Variants in HS3ST4 observed in about 807,000 individuals in gnomAD.
The protein encoded by HS3ST4 is heparan sulfate-glucosamine 3-sulfotransferase 4.
Under a neutral mutation model 29.2 loss-of-function variants are expected in HS3ST4, and 17 were observed. That is an observed-to-expected ratio of 0.58 (90% CI 0.40 to 0.87). The LOEUF (loss-of-function observed/expected upper bound fraction) is 0.87, where lower values mean the gene tolerates loss of function less well. Among genes scored for constraint, HS3ST4 ranks in the 40% least tolerant of loss-of-function variants. The probability of loss-of-function intolerance (pLI) is 0.00; values close to 1 mark genes in which losing one functional copy is unlikely to be tolerated. For missense variants in HS3ST4, 627 were observed against 634.5 expected (o/e 0.99, Z 0.13); for synonymous variants, 314 against 285.7 (o/e 1.10, Z -1.00).
intron 1 of HS3ST4, among the ~76,000 whole-genome samples, chr16:25,913,925 G>A (rs2141679436): frequency 6.7e-6 from 1 of 149,804 alleles, no homozygotes; most frequent in African/African-American, 2.5e-5. Context: ...TGTATGTAGG[G>A]AGAGGCTATG....
At chr16:25,919,867 A>G (rs191676374) in intron 1 of HS3ST4, among the ~76,000 whole-genome samples, 171 of 151,268 alleles carry the variant, frequency 1.1e-3, no homozygotes, top group Middle Eastern at 3.4e-3. Flanking sequence ...GAGCTAAAGA[A>G]TGAAATGGAG....
At chr16:25,993,683 C>T (rs754419932) in intron 1 of HS3ST4, among the ~76,000 whole-genome samples, 14 of 151,774 alleles carry the variant, frequency 9.2e-5, no homozygotes, top group Non-Finnish European at 1.6e-4. Context: ...AGATATAAAA[C>T]ACCTAGCACT....
At chr16:25,873,322 CCTTCCTTCCTTCCTTT>C (rs1195785218) in intron 1 of HS3ST4, among the ~76,000 whole-genome samples, 49 of 43,816 alleles carry the variant, frequency 1.1e-3, no homozygotes, top group African/African-American at 3.3e-3. Context: ...ATCCATCCAT[CCTTCCTTCCTTCCTTT>C]CATCCATCTA....
At chr16:25,746,365 A>G (rs1966685265) in intron 1 of HS3ST4, among the ~76,000 whole-genome samples, 1 of 152,228 alleles carries the variant, frequency 6.6e-6, no homozygotes, top group African/African-American at 2.4e-5. Flanking sequence ...GAATTTTTCC[A>G]AACAAATAAT....
At chr16:26,114,245 A>G (rs1899172589) in intron 1 of HS3ST4, among the ~76,000 whole-genome samples, 2 of 152,084 alleles carry the variant, frequency 1.3e-5, no homozygotes. Context: ...CATAGCTAAT[A>G]TTTATCCAGC....
chr16:26,004,275 C>G (rs1413079898), intron 1 of HS3ST4, among the ~76,000 whole-genome samples: 2 of 152,180 alleles, frequency 1.3e-5, no homozygotes, highest in African/African-American at 4.8e-5. Flanking sequence ...ATGCACTTCT[C>G]TCTCTGAGCA....
At chr16:25,785,627 C>A (rs1222375340) in intron 1 of HS3ST4, among the ~76,000 whole-genome samples, 2 of 152,136 alleles carry the variant, frequency 1.3e-5, no homozygotes, top group Admixed American at 1.3e-4. Flanking sequence ...CTCAGCTTCC[C>A]TGAGGCAGTT....
intron 1 of HS3ST4, among the ~76,000 whole-genome samples, chr16:26,067,311 C>T (rs1429230742): frequency 2.0e-5 from 3 of 152,126 alleles, no homozygotes; most frequent in Non-Finnish European, 4.4e-5. Context: ...GATTCTCTGT[C>T]CCTCCTCATT....
At chr16:25,844,970 T>C (rs1967449755) in intron 1 of HS3ST4, among the ~76,000 whole-genome samples, 1 of 152,092 alleles carries the variant, frequency 6.6e-6, no homozygotes, top group Non-Finnish European at 1.5e-5. Context: ...CACTGCATGT[T>C]CTCACTTATA....
intron 1 of HS3ST4, among the ~76,000 whole-genome samples, chr16:25,913,516 G>A (rs1001837589): frequency 2.0e-5 from 3 of 152,204 alleles, no homozygotes; most frequent in Admixed American, 6.5e-5. Context: ...ACAGTTTATG[G>A]CCTTTGGTTA....
chr16:26,118,958 C>A (rs544461238), intron 1 of HS3ST4, among the ~76,000 whole-genome samples: 2 of 152,272 alleles, frequency 1.3e-5, no homozygotes, highest in Non-Finnish European at 2.9e-5. Flanking sequence ...ACAATAACAA[C>A]AACTAATGCT....
rs939126720 is a variant in HS3ST4 at position 25,708,718 on chromosome 16, A to G, written c.734+15567A>G. On this transcript the variant is annotated intron_variant, in intron 1 of 1. Transcript: ENST00000331351. ...GGATTTCCTCATTTAGAACAAAACAATGAGTTTCTTCTGTATTTATGGGTT... is the reference window on the plus strand; with the variant it reads ...GGATTTCCTCATTTAGAACAAAACAGTGAGTTTCTTCTGTATTTATGGGTT... Among the ~76,000 whole-genome samples, 4 of 152,162 alleles carry G rather than the reference A, an allele frequency of 2.6e-5. No individual in the cohort carries two copies. The South Asian group carries it at 8.3e-4, about 31-fold the overall frequency.
At chr16:26,086,499 G>A (rs1311175627) in intron 1 of HS3ST4, among the ~76,000 whole-genome samples, 1 of 152,026 alleles carries the variant, frequency 6.6e-6, no homozygotes, top group Non-Finnish European at 1.5e-5. Context: ...ACAGTCGCCT[G>A]CCACCATGCC....
rs1967567667 is a variant in HS3ST4, at chr16:25,855,659, T to G, written c.734+162508T>G. On this transcript the variant is annotated intron_variant, in intron 1 of 1. Coordinates refer to ENST00000331351, the MANE Select transcript of HS3ST4 (RefSeq NM_006040.3). ...AAGGCAAGAGGAGTGTAACAAGTTATGTCTGACCTCCCTTCCCATAATGTC... is the reference window on the plus strand; with the variant it reads ...AAGGCAAGAGGAGTGTAACAAGTTAGGTCTGACCTCCCTTCCCATAATGTC... Among the ~76,000 whole-genome samples, 2 of 152,174 alleles carry G rather than the reference T, an allele frequency of 1.3e-5. 1 individual carries two copies. Among genetic ancestry groups the G allele is most frequent in the South Asian group, 4.1e-4 (2 of 4,834 alleles).
chr16:26,115,502 G>A (rs1567315594), intron 1 of HS3ST4, among the ~76,000 whole-genome samples: 4 of 152,002 alleles, frequency 2.6e-5, no homozygotes, highest in South Asian at 2.1e-4. Flanking sequence ...CTGAAAGGGC[G>A]GGAAACACCT....
At chr16:26,051,554 A>T (rs1898346208) in intron 1 of HS3ST4, among the ~76,000 whole-genome samples, 1 of 152,126 alleles carries the variant, frequency 6.6e-6, no homozygotes, top group Non-Finnish European at 1.5e-5. Context: ...TATGTCAAAG[A>T]TCACACAGAC....
intron 1 of HS3ST4, among the ~76,000 whole-genome samples, chr16:26,096,625 C>T (rs2090353480): frequency 6.6e-6 from 1 of 152,064 alleles, no homozygotes; most frequent in African/African-American, 2.4e-5. Flanking sequence ...TATGACAATC[C>T]CACAGCCATT....
intron 1 of HS3ST4, among the ~76,000 whole-genome samples, chr16:25,856,051 G>A (rs930344782): frequency 1.3e-5 from 2 of 152,016 alleles, no homozygotes; most frequent in African/African-American, 2.4e-5. Flanking sequence ...GGATAGGTCT[G>A]TTCTCTCCAA....
At chr16:25,709,392 G>A (rs1334997947) in intron 1 of HS3ST4, among the ~76,000 whole-genome samples, 1 of 152,132 alleles carries the variant, frequency 6.6e-6, no homozygotes, top group African/African-American at 2.4e-5. Context: ...CTGGAGCCTA[G>A]GGAGGAGTTA....
Sources: gnomAD v4.1 joint callset for allele counts (sites outside exome capture counted in the v4.1 genomes callset) on GRCh38, gnomAD v4.1.1 for gene constraint, MANE v1.5 for transcripts, NCBI Gene and HGNC (gene_info 2026-07-23, HGNC 2026-07-21) for gene names.